CPVL: variants seen among roughly 807,000 people sequenced by gnomAD.
CPVL encodes the protein carboxypeptidase vitellogenic like, also known as probable serine carboxypeptidase CPVL.
A neutral mutation model predicts 63.7 loss-of-function variants in CPVL; 51 were observed. The ratio of observed to expected loss-of-function variants is 0.80; its 90% CI spans 0.64 to 1.01. The LOEUF (loss-of-function observed/expected upper bound fraction) is 1.01. Ranked by LOEUF, CPVL falls within the 50% of genes least tolerant of loss-of-function variation. The pLI, the probability that CPVL is intolerant of heterozygous loss-of-function variation, is 0.00. For missense variants in CPVL, 530 were observed against 573.1 expected, an observed-to-expected ratio of 0.92 and a Z score of 0.77; for synonymous variants, 195 against 206.0, an observed-to-expected ratio of 0.95 and a Z score of 0.46.
At chr7:29,041,944 A>C (rs1295705350) in intron 11 of CPVL, among the ~76,000 whole-genome samples, 1 of 152,196 alleles carries the variant, frequency 6.6e-6, no homozygotes, top group East Asian at 1.9e-4. Flanking sequence ...TATAGTTTTC[A>C]TGTGCCTTCT....
intron 6 of CPVL, among the ~76,000 whole-genome samples, chr7:29,089,214 G>A (rs868761120): frequency 6.6e-6 from 1 of 152,140 alleles, no homozygotes; most frequent in East Asian, 1.9e-4. Context: ...AGAATGACTA[G>A]GAGAAAATTA....
At chr7:29,151,640 T>G (rs558980430) in intron 5 of CPVL, among the ~76,000 whole-genome samples, 2 of 152,316 alleles carry the variant, frequency 1.3e-5, no homozygotes, top group East Asian at 3.9e-4. Context: ...ATATTGATAT[T>G]ATGATGAACC....
intron 4 of CPVL, among the ~76,000 whole-genome samples, chr7:29,095,474 A>G (rs1202441861): frequency 6.6e-6 from 1 of 152,084 alleles, no homozygotes; most frequent in Non-Finnish European, 1.5e-5. Context: ...TAAATCAATC[A>G]TCCTTAATGC....
intron 11 of CPVL, 81 bp downstream of exon 11, chr7:29,063,980 A>AT: frequency 1.1e-6 from 1 of 889,442 alleles, no homozygotes; most frequent in Non-Finnish European, 1.7e-6. Context: ...AAAAAAAAAA[A>AT]GGCAGGACTC....
chr7:29,049,624 C>T (rs1189754692), intron 11 of CPVL, among the ~76,000 whole-genome samples: 1 of 152,054 alleles, frequency 6.6e-6, no homozygotes, highest in Non-Finnish European at 1.5e-5. Context: ...AATACTATTC[C>T]ACGACATAGA....
At chr7:29,076,072 A>C (rs1784217491) in intron 7 of CPVL, among the ~76,000 whole-genome samples, 1 of 151,606 alleles carries the variant, frequency 6.6e-6, no homozygotes, top group African/African-American at 2.4e-5. Context: ...GTAATAAATC[A>C]AGTGTGTTTT....
chr7:29,019,936 T>G (rs1213470931), intron 12 of CPVL, among the ~76,000 whole-genome samples: 5 of 152,204 alleles, frequency 3.3e-5, no homozygotes, highest in Admixed American at 2.0e-4. Flanking sequence ...GGGCCTTGCT[T>G]CTTTTGTTAC....
chr7:29,128,713 T>TGA (rs1253114640), intron 1 of CPVL, among the ~76,000 whole-genome samples: 1 of 16,844 alleles, frequency 5.9e-5, no homozygotes, highest in South Asian at 2.8e-3. Context: ...AGACTCTGTC[T>TGA]CAAAAAAAAA....
chr7:29,146,665 G>T (rs1361654475), upstream of CPVL: 11 of 1,550,486 alleles, frequency 7.1e-6, no homozygotes, highest in South Asian at 1.2e-5. Flanking sequence ...TCAAGTCAGC[G>T]CTTCCCATGC....
At chr7:29,016,872 A>G (rs955760838) in intron 12 of CPVL, among the ~76,000 whole-genome samples, 3 of 152,204 alleles carry the variant, frequency 2.0e-5, no homozygotes, top group Non-Finnish European at 4.4e-5. Flanking sequence ...TTCCAAACCA[A>G]TATCAAGAAG....
chr7:29,081,079 CT>C (rs1784663152), intron 7 of CPVL, among the ~76,000 whole-genome samples: 2 of 152,292 alleles, frequency 1.3e-5, no homozygotes, highest in South Asian at 2.1e-4. Context: ...GGCGGTCCCC[CT>C]GATCCTGTCA....
At chr7:29,050,287 T>A (rs1790014740) in intron 11 of CPVL, among the ~76,000 whole-genome samples, 1 of 152,090 alleles carries the variant, frequency 6.6e-6, no homozygotes, top group African/African-American at 2.4e-5. Context: ...CTAGAACTGA[T>A]AAAATAATTC....
intron 2 of CPVL, among the ~76,000 whole-genome samples, chr7:29,120,456 T>C (rs1367163304): frequency 6.6e-6 from 1 of 151,776 alleles, no homozygotes; most frequent in African/African-American, 2.4e-5. Context: ...AAAATATATA[T>C]ATATATATTT....
intron 12 of CPVL, among the ~76,000 whole-genome samples, chr7:29,025,302 G>A (rs1266550113): frequency 6.6e-6 from 1 of 152,152 alleles, no homozygotes; most frequent in Non-Finnish European, 1.5e-5. Context: ...TTCTGATGAG[G>A]GCTTCAGGAA....
At chr7:29,033,785 G>A (rs1408343254) in intron 11 of CPVL, among the ~76,000 whole-genome samples, 1 of 152,156 alleles carries the variant, frequency 6.6e-6, no homozygotes, top group Admixed American at 6.5e-5. Context: ...TTCCTTTCTG[G>A]TCAGCTGTAG....
At chr7:29,129,495 G>C (rs376646674) in intron 1 of CPVL, among the ~76,000 whole-genome samples, 10 of 143,240 alleles carry the variant, frequency 7.0e-5, no homozygotes, top group African/African-American at 2.4e-4. Context: ...TTTTTGAGAC[G>C]AGTCTCGCTC....
chr7:29,006,277 C>T (rs1178543781), intron 12 of CPVL, among the ~76,000 whole-genome samples: 1 of 152,196 alleles, frequency 6.6e-6, no homozygotes, highest in Non-Finnish European at 1.5e-5. Flanking sequence ...CCCTCAGACT[C>T]CTGGTTCTCT....
chr7:29,157,387 T>C (rs1794541528), intron 5 of CPVL, among the ~76,000 whole-genome samples: 1 of 152,200 alleles, frequency 6.6e-6, no homozygotes, highest in African/African-American at 2.4e-5. Context: ...AGTAAACTGC[T>C]ATCCATTATT....
intron 5 of CPVL, among the ~76,000 whole-genome samples, chr7:29,155,685 C>T (rs370080146): frequency 7.2e-5 from 11 of 152,208 alleles, no homozygotes; most frequent in Non-Finnish European, 1.6e-4. Flanking sequence ...GTCCTGCTTC[C>T]GTGTTTTTAA....
Sources: gnomAD v4.1 joint callset for allele counts (sites outside exome capture counted in the v4.1 genomes callset) on GRCh38, gnomAD v4.1.1 for gene constraint, MANE v1.5 for transcripts, NCBI Gene and HGNC (gene_info 2026-07-23, HGNC 2026-07-21) for gene names.